Variants in MFRP observed in about 807,000 individuals in gnomAD.
MFRP encodes the protein C1q and TNF related 5.
A neutral mutation model predicts 65.8 loss-of-function variants in MFRP; 74 were observed. The ratio of observed to expected loss-of-function variants is 1.12; its 90% CI spans 0.93 to 1.36. MFRP has a LOEUF of 1.36. Among genes scored for constraint, MFRP ranks in the 40% most tolerant of loss-of-function variants. MFRP has a pLI of 0.00. For missense variants in MFRP, 838 were observed against 736.0 expected, an observed-to-expected ratio of 1.14 and a Z score of -1.60; for synonymous variants, 336 against 288.3, an observed-to-expected ratio of 1.17 and a Z score of -1.68.
chr11:119,342,292 G>A (rs910591410), intron 11 of MFRP, among the ~76,000 whole-genome samples: 5 of 152,222 alleles, frequency 3.3e-5, no homozygotes, highest in African/African-American at 1.2e-4. Context: ...CTCTGTGTAA[G>A]AGGATGCCTT....
In MFRP at chr11:119,342,952, C is replaced by T. The variant is rs772644068; in HGVS notation, c.1176G>A (p.Leu392=). Residue 392 remains leucine, a synonymous_variant, in exon 10 of 15, where the codon CTG becomes CTA. Transcript: ENST00000619721. The part of the protein sequence containing the change: ...PPHLVSSHHE[L]AVLFRTDHGI... ...CATGATCTGTCCTAAACAGCACAGC[C>T]AGCTCATGGTGCGAGGAGACGAGGT... 2 of 1,612,136 alleles carry T rather than the reference C, an allele frequency of 1.2e-6. No homozygotes were observed. The highest frequency in any genetic ancestry group is 4.5e-5 in the East Asian group (2 of 44,844).
rs1565291017 is a variant in MFRP at position 119,339,766 on chromosome 11, C to G, written c.*1193G>C. On this transcript the variant is annotated 3_prime_UTR_variant, in exon 15 of 15. Transcript: ENST00000619721. This position sits in a 1 kb window ranked among gnomAD's most constrained non-coding sequence, Gnocchi z 5.4. ...CGCTGAAGGCGGATCGCGGAGGCAC[C>G]GAGCACTCCCCGGCAGGCCCGGTGG... 1.3e-6 allele frequency: 2 copies of G among 1,578,104 alleles called. No individual in the cohort carries two copies. The highest frequency in any genetic ancestry group is 1.7e-6 in the Non-Finnish European group (2 of 1,169,676).
chr11:119,343,767 G>A (rs1457993560), intron 9 of MFRP, 49 bp downstream of exon 9: 1 of 1,610,134 alleles, frequency 6.2e-7, no homozygotes, highest in Non-Finnish European at 8.5e-7. Flanking sequence ...GCCGGGGGTG[G>A]CAGACAGTGA....
intron 5 of MFRP, 26 bp downstream of exon 5, chr11:119,345,394 G>C (rs752141322): frequency 6.2e-7 from 1 of 1,601,118 alleles, no homozygotes; most frequent in Non-Finnish European, 8.6e-7. Context: ...GACACGGTGG[G>C]ATGTCCTGGG....
At chr11:119,343,354 A>G (rs993287650) in intron 9 of MFRP, among the ~76,000 whole-genome samples, 4 of 152,166 alleles carry the variant, frequency 2.6e-5, no homozygotes, top group Admixed American at 1.3e-4. Flanking sequence ...TTACAAAAAA[A>G]TTAAAAAAGT....
chr11:119,340,138 G>T, intron 14 of MFRP, 46 bp downstream of exon 14: 1 of 1,494,612 alleles, frequency 6.7e-7, no homozygotes, highest in Non-Finnish European at 8.9e-7. Context: ...CTGCGGCCGC[G>T]CCTGCTCGGA....
Position 119,344,726 on chromosome 11 carries a change from G to T in MFRP, c.804C>A (p.Asp268Glu). The T allele has an allele frequency of 6.2e-7, 1 of 1,614,038 alleles. No homozygotes were observed. Residue 268 changes from aspartate to glutamate, a missense_variant, in exon 7 of 15, where the codon GAC (aspartate) becomes GAA (glutamate). By Grantham distance (45) the Asp-to-Glu change is conservative. Transcript: ENST00000619721. ...GSCAHDEFRC[D>E]QLICLLPDSV... ...AGTCAGGTAGCAGGCAGATGAGCTG[G>T]TCACAGCGGAACTCATCATGGGCAC...
Position 119,345,641 on chromosome 11 carries a change from G to A in MFRP, c.428-8C>T, listed in dbSNP as rs1334369838. On this transcript the variant is annotated splice_polypyrimidine_tract_variant and splice_region_variant and intron_variant, in intron 4 of 14. Coordinates refer to ENST00000619721, the MANE Select transcript of MFRP (RefSeq NM_031433.4). Reference sequence around the variant, plus strand: ...AGAGGAGGCCTCCACAGGCTGCAGAGATGGAGGTTAGAGTTCAGAGGTCAA... The same window carrying A: ...AGAGGAGGCCTCCACAGGCTGCAGAAATGGAGGTTAGAGTTCAGAGGTCAA... The A allele has an allele frequency of 6.2e-7, 1 of 1,613,470 alleles. No homozygotes were observed. The highest frequency in any genetic ancestry group is 1.3e-5 in the African/African-American group (1 of 75,054).
At chr11:119,342,311 G>T (rs1329369264) in intron 11 of MFRP, among the ~76,000 whole-genome samples, 2 of 152,230 alleles carry the variant, frequency 1.3e-5, no homozygotes, top group Non-Finnish European at 2.9e-5. Flanking sequence ...TTCATCTTTG[G>T]TGTGGGCTGT....
rs949535828 is a variant in MFRP, at chr11:119,340,559, G to T, written c.*854-119C>A. On this transcript the variant is annotated intron_variant, in intron 13 of 14. Coordinates refer to ENST00000619721, the MANE Select transcript of MFRP (RefSeq NM_031433.4). Reference sequence around the variant, plus strand: ...GCCGTGCCCCTGAGGCTGAGCGCTCGCAGGGCCGAGCATCCGGAGAGCACA... The same window carrying T: ...GCCGTGCCCCTGAGGCTGAGCGCTCTCAGGGCCGAGCATCCGGAGAGCACA... 3 of 703,722 alleles carry T rather than the reference G, an allele frequency of 4.3e-6. No individual in the cohort carries two copies. The East Asian group carries it at 9.4e-5, about 22-fold the overall frequency. The allele number at this position is 703,722 out of a possible 1,614,324, so 43.6% of individuals were successfully genotyped here.
rs1950572702 is a variant in MFRP at position 119,346,521 on chromosome 11, G to A, written c.-8C>T. On this transcript the variant is annotated 5_prime_UTR_variant, in exon 1 of 15. Transcript: ENST00000619721. The stretch of plus-strand genomic sequence containing the variant: ...ATCTGAGAAGTCCTTCATGGCACAA[G>A]GCTCTGCATGGCTTTCTGGAGTCCC... The A allele has an allele frequency of 4.3e-6, 7 of 1,613,962 alleles. No individual in the cohort carries two copies. Among genetic ancestry groups the A allele is most frequent in the African/African-American group, 1.3e-5 (1 of 75,032 alleles).
rs1349907005 is a variant in MFRP at position 119,339,924 on chromosome 11, C to G, written c.*1111-76G>C. 1 of 1,411,984 alleles carries G rather than the reference C, an allele frequency of 7.1e-7. No individual in the cohort carries two copies. Among genetic ancestry groups the G allele is most frequent in the East Asian group, 2.7e-5 (1 of 37,202 alleles). 87.5% of individuals were successfully genotyped at this position (1,411,984 alleles called of 1,614,324 possible). On this transcript the variant is annotated intron_variant, in intron 14 of 14. Coordinates refer to ENST00000619721, the MANE Select transcript of MFRP (RefSeq NM_031433.4). The surrounding 1 kb of genome is among the most constrained non-coding windows in gnomAD (Gnocchi z 5.4). Reference sequence around the variant, plus strand: ...AGCGGGGCGGCGACTCTAAGGTCACCGTACCCCTCCCCGCCCCTGCCTGAG... The same window carrying G: ...AGCGGGGCGGCGACTCTAAGGTCACGGTACCCCTCCCCGCCCCTGCCTGAG...
rs1466431419 is a variant in MFRP at position 119,342,742 on chromosome 11, G to C, written c.1256-15C>G. 6.2e-7 allele frequency: 1 copy of C among 1,613,502 alleles called. No individual in the cohort carries two copies. Among genetic ancestry groups the C allele is most frequent in the Non-Finnish European group, 8.5e-7 (1 of 1,179,950 alleles). On this transcript the variant is annotated splice_polypyrimidine_tract_variant and intron_variant, in intron 10 of 14. Transcript: ENST00000619721. The stretch of plus-strand genomic sequence containing the variant: ...CCCACAGGGGTCTGCAGGCACAAGG[G>C]GCATGGCAGTGCCCGGGGACATACC...
intron 7 of MFRP, 68 bp downstream of exon 7, chr11:119,344,564 G>A (rs1950539012): frequency 6.2e-7 from 1 of 1,609,828 alleles, no homozygotes; most frequent in South Asian, 1.1e-5. Flanking sequence ...GGCTGGACCA[G>A]AGCTGGGGAG....
In MFRP at chr11:119,346,157, G is replaced by A. The variant is rs139436396; in HGVS notation, c.160C>T (p.Arg54Trp). 45 of 1,588,876 alleles carry A rather than the reference G, an allele frequency of 2.8e-5. No homozygotes were observed. The South Asian group carries it at 4.5e-4, about 16-fold the overall frequency. ...TCTGGCCGTAGCCCTCGAGGACGCC[G>A]ACCTGCGGGTTGGCAGGTGGGGTTT... Reference protein sequence around the residue: ...SYSVPAPWHGRRPRGLRPDCR... With the variant: ...SYSVPAPWHGWRPRGLRPDCR... The change falls in exon 3 of 15, where the codon CGG (arginine) becomes TGG (tryptophan). Residue 54 changes from arginine to tryptophan, a missense_variant and splice_region_variant. Coordinates refer to ENST00000619721, the MANE Select transcript of MFRP (RefSeq NM_031433.4).
intron 9 of MFRP, among the ~76,000 whole-genome samples, chr11:119,343,376 G>T (rs1950522894): frequency 6.6e-6 from 1 of 152,216 alleles, no homozygotes; most frequent in African/African-American, 2.4e-5. Context: ...AATTATCTGG[G>T]CGTGGTGGCA....
rs1163567921 is a variant in MFRP at position 119,346,208 on chromosome 11, C to T, written c.158-49G>A. On this transcript the variant is annotated intron_variant, in intron 2 of 14. Transcript: ENST00000619721. ...TGAAAGCCCCTTCTGTTGGGTATTC[C>T]TCATGCTGTCCTTGGCTCCTGGGCC... 2.6e-6 allele frequency: 4 copies of T among 1,567,790 alleles called. No homozygotes were observed. In the South Asian group the frequency reaches 4.6e-5, roughly 18 times the overall value.
chr11:119,346,331 G>A lies in MFRP; in HGVS notation c.98C>T (p.Pro33Leu). 6.2e-7 allele frequency: 1 copy of A among 1,614,054 alleles called. No homozygotes were observed. The highest frequency in any genetic ancestry group is 8.5e-7 in the Non-Finnish European group (1 of 1,180,004). The change falls in exon 2 of 15, where the codon CCC (proline) becomes CTC (leucine). Residue 33 changes from proline to leucine, a missense_variant. Physicochemically the swap from Pro to Leu is moderately conservative, Grantham distance 98 (BLOSUM62 -3). Coordinates refer to ENST00000619721, the MANE Select transcript of MFRP (RefSeq NM_031433.4). ...NPAFEPESGP[P>L]CPPPVFPEDA... ...CTCTGGGAAAACTGGGGGAGGGCAG[G>A]GTGGCCCAGACTCAGGCTCGAAGGC... is the stretch of plus-strand genomic sequence containing the variant.
Position 119,345,935 on chromosome 11 carries a change from G to T in MFRP, c.272-7C>A, listed in dbSNP as rs759286103. On this transcript the variant is annotated splice_polypyrimidine_tract_variant and splice_region_variant and intron_variant, in intron 3 of 14. Coordinates refer to ENST00000619721, the MANE Select transcript of MFRP (RefSeq NM_031433.4). Reference sequence around the variant, plus strand: ...GGGGGTGCAGCCTGCAGCTCTGGAGGCGAGAAGATGGAGGGTGGCGTTCAG... The same window carrying T: ...GGGGGTGCAGCCTGCAGCTCTGGAGTCGAGAAGATGGAGGGTGGCGTTCAG... The T allele has an allele frequency of 6.2e-7, 1 of 1,613,790 alleles. No individual in the cohort carries two copies. The highest frequency in any genetic ancestry group is 1.7e-5 in the Admixed American group (1 of 60,028).
Sources: allele counts gnomAD v4.1 joint callset (sites outside exome capture counted in the v4.1 genomes callset), GRCh38; gene constraint gnomAD v4.1.1; non-coding constraint Gnocchi (gnomAD v3.1); transcripts MANE v1.5; gene names NCBI Gene and HGNC (gene_info 2026-07-23, HGNC 2026-07-21).